Variants in LPXN observed in about 807,000 individuals in gnomAD.
The protein encoded by LPXN is leupaxin.
A neutral mutation model predicts 45.6 loss-of-function variants in LPXN; 28 were observed. The observed-to-expected ratio is 0.61, with a 90% CI of 0.45 to 0.84. LPXN has a LOEUF of 0.84. Ranked by LOEUF, LPXN falls within the 40% of genes least tolerant of loss-of-function variation. The pLI is 0.00. For missense variants in LPXN, 459 were observed against 475.0 expected, an observed-to-expected ratio of 0.97 and a Z score of 0.31; for synonymous variants, 166 against 169.9, an observed-to-expected ratio of 0.98 and a Z score of 0.18.
chr11:58,533,175 A>C (rs992108552), intron 7 of LPXN, among the ~76,000 whole-genome samples: 1 of 152,200 alleles, frequency 6.6e-6, no homozygotes, highest in Non-Finnish European at 1.5e-5. Flanking sequence ...TGTAACACTC[A>C]CCGCAAGGGT....
At chr11:58,561,698 T>TA (rs1385604804) in intron 3 of LPXN, among the ~76,000 whole-genome samples, 2 of 152,270 alleles carry the variant, frequency 1.3e-5, no homozygotes, top group Non-Finnish European at 1.5e-5. Flanking sequence ...TGTATATTCC[T>TA]AAAAAACCTT....
chr11:58,550,004 C>T lies in LPXN; in HGVS notation c.629G>A (p.Arg210His), dbSNP rs373352618. The T allele has an allele frequency of 6.2e-5, 100 of 1,614,008 alleles. No homozygotes were observed. Among genetic ancestry groups the T allele is most frequent in the African/African-American group, 1.6e-4 (12 of 74,882 alleles). ...GATGGGAGCAGCGCAGTAAGCACAG[C>T]GTGGAGAAAAAAGTTGGTGGTAGTC... The part of the protein sequence containing the change: ...PNDYHQLFSP[R>H]CAYCAAPILD... Residue 210 changes from arginine (R) to histidine (H), a missense_variant, in exon 6 of 9, where the codon CGC (arginine) becomes CAC (histidine). Physicochemically the swap from Arg to His is conservative, Grantham distance 29. Transcript: ENST00000395074.
At chr11:58,550,977 A>G (rs1854030824) in intron 5 of LPXN, 88 bp downstream of exon 5, 1 of 1,274,436 alleles carries the variant, frequency 7.8e-7, no homozygotes, top group African/African-American at 1.5e-5. Flanking sequence ...TAACTAAAAT[A>G]TCTTAAAATA....
intron 1 of LPXN, among the ~76,000 whole-genome samples, chr11:58,572,205 C>G (rs1854726443): frequency 6.7e-6 from 1 of 150,038 alleles, no homozygotes; most frequent in African/African-American, 2.5e-5. Context: ...CTTCACAGGT[C>G]ATTAAAAAAA....
chr11:58,571,682 AGTATT>A (rs1364708271), intron 1 of LPXN, among the ~76,000 whole-genome samples: 1 of 150,624 alleles, frequency 6.6e-6, no homozygotes, highest in Admixed American at 6.6e-5. Context: ...TTTTTGGAAA[AGTATT>A]ATATACTAGT....
At chr11:58,540,573 G>A (rs1853685061) in intron 7 of LPXN, among the ~76,000 whole-genome samples, 1 of 152,202 alleles carries the variant, frequency 6.6e-6, no homozygotes, top group African/African-American at 2.4e-5. Context: ...GGATGGATGG[G>A]TGAAGGTTAA....
chr11:58,543,369 A>G (rs1306858019), intron 7 of LPXN, among the ~76,000 whole-genome samples: 1 of 152,198 alleles, frequency 6.6e-6, no homozygotes, highest in African/African-American at 2.4e-5. Context: ...TCACTTCAGC[A>G]TTGACTAGAA....
At chr11:58,573,160 C>T (rs1240221744) in intron 1 of LPXN, among the ~76,000 whole-genome samples, 3 of 150,926 alleles carry the variant, frequency 2.0e-5, no homozygotes, top group African/African-American at 2.4e-5. Flanking sequence ...GCAGGCGAAA[C>T]GCTTGAACCT....
In LPXN at chr11:58,551,113, T is replaced by C; in HGVS notation, c.438A>G (p.Thr146=). The change falls in exon 5 of 9, where the codon ACA becomes ACG. Residue 146 remains threonine, a synonymous_variant. Coordinates refer to ENST00000395074, the MANE Select transcript of LPXN (RefSeq NM_004811.3). ...AGGATGCACAATGGCCCTTGGGCAC[T>C]GTGGCAATGCCAAGGTCCTGCAATT... ...EQELQDLGIA[T]VPKGHCASCQ... is the part of the protein sequence containing the mutation. 6.2e-7 allele frequency: 1 copy of C among 1,607,436 alleles called. No individual in the cohort carries two copies. Among genetic ancestry groups the C allele is most frequent in the Non-Finnish European group, 8.5e-7 (1 of 1,176,970 alleles).
intron 1 of LPXN, among the ~76,000 whole-genome samples, chr11:58,573,299 A>G (rs1015397632): frequency 6.6e-6 from 1 of 151,900 alleles, no homozygotes; most frequent in Admixed American, 6.5e-5. Context: ...AAACTAAGGT[A>G]GAAAAAGAAA....
chr11:58,565,591 T>C (rs1268397279), intron 2 of LPXN, among the ~76,000 whole-genome samples: 1 of 152,074 alleles, frequency 6.6e-6, no homozygotes, highest in Non-Finnish European at 1.5e-5. Context: ...TTGGTGGACC[T>C]ATAAGATAAT....
At chr11:58,528,276 C>CA in intron 7 of LPXN, 85 bp from the exon 8 acceptor site, 1 of 236,308 alleles carries the variant, frequency 4.2e-6, no homozygotes, top group Non-Finnish European at 6.7e-6. Context: ...CTTTCAATCT[C>CA]AGTGTCCTCA....
intron 7 of LPXN, among the ~76,000 whole-genome samples, chr11:58,549,525 GA>G (rs1432059069): frequency 6.6e-6 from 1 of 152,198 alleles, no homozygotes; most frequent in East Asian, 1.9e-4. Context: ...TATTCAACAA[GA>G]AAAGGCTTTT....
chr11:58,539,730 A>G (rs1675251615), intron 7 of LPXN, among the ~76,000 whole-genome samples: 1 of 152,194 alleles, frequency 6.6e-6, no homozygotes, highest in Non-Finnish European at 1.5e-5. Flanking sequence ...TACCCTTATA[A>G]TTAATTCATT....
chr11:58,548,100 T>C (rs1350256602), intron 7 of LPXN, among the ~76,000 whole-genome samples: 1 of 152,168 alleles, frequency 6.6e-6, no homozygotes, highest in Non-Finnish European at 1.5e-5. Flanking sequence ...AAGCAATGTC[T>C]TCAGAATTAT....
Position 58,550,023 on chromosome 11 carries a change from G to C in LPXN, c.610C>G (p.His204Asp). The change falls in exon 6 of 9, where the codon CAC becomes GAC. Residue 204 changes from histidine (H) to aspartate (D), a missense_variant. Physicochemically the swap from His to Asp is moderately conservative, Grantham distance 81. Coordinates refer to ENST00000395074, the MANE Select transcript of LPXN (RefSeq NM_004811.3). ...GCACAGCGTGGAGAAAAAAGTTGGTGGTAGTCGTTGGGGCAGTAGGCCAAG... is the reference window on the plus strand; with the variant it reads ...GCACAGCGTGGAGAAAAAAGTTGGTCGTAGTCGTTGGGGCAGTAGGCCAAG... ...SGLAYCPNDYHQLFSPRCAYC... is the reference protein window; with the variant it reads ...SGLAYCPNDYDQLFSPRCAYC... 1 of 1,614,228 alleles carries C rather than the reference G, an allele frequency of 6.2e-7. No homozygotes were observed. Among genetic ancestry groups the C allele is most frequent in the Admixed American group, 1.7e-5 (1 of 60,032 alleles).
At chr11:58,529,713 G>A (rs1825118043) in intron 7 of LPXN, among the ~76,000 whole-genome samples, 14 of 151,978 alleles carry the variant, frequency 9.2e-5, no homozygotes, top group Admixed American at 7.2e-4. Flanking sequence ...GATGACATGA[G>A]CAATAAAATA....
At chr11:58,577,945 G>A (rs751025381), upstream of LPXN, 210 of 1,518,882 alleles carry the variant, frequency 1.4e-4, no homozygotes, top group Middle Eastern at 2.9e-3. Flanking sequence ...CTAGGGCTCC[G>A]AGGGCCCAAG....
At chr11:58,547,660 C>T (rs567700431) in intron 7 of LPXN, among the ~76,000 whole-genome samples, 22 of 152,214 alleles carry the variant, frequency 1.4e-4, no homozygotes, top group African/African-American at 5.3e-4. Flanking sequence ...CCTCCTGCAG[C>T]TTGAAGGTCC....
Sources: gnomAD v4.1 joint callset for allele counts (sites outside exome capture counted in the v4.1 genomes callset) on GRCh38, gnomAD v4.1.1 for gene constraint, MANE v1.5 for transcripts, NCBI Gene and HGNC (gene_info 2026-07-23, HGNC 2026-07-21) for gene names.